The following SGIP1 variants were observed in gnomAD, a reference collection of about 807,000 sequenced individuals.
SGIP1 encodes SH3-containing GRB2-like protein 3-interacting protein 1.
Under a neutral mutation model 107.5 loss-of-function variants are expected in SGIP1, and 38 were observed. The observed-to-expected ratio is 0.35, with a 90% confidence interval of 0.27 to 0.46. SGIP1 has a LOEUF of 0.46. Among genes scored for constraint, SGIP1 ranks in the 20% least tolerant of loss-of-function variants. The pLI is 1.00. For synonymous variants in SGIP1, 365 were observed against 366.1 expected, an observed-to-expected ratio of 1.00 and a Z score of 0.03; for missense variants, 929 against 1,019.5, an observed-to-expected ratio of 0.91 and a Z score of 1.21.
intron 12 of SGIP1, 76 bp downstream of exon 12, chr1:66,673,442 T>A: frequency 7.7e-7 from 1 of 1,298,600 alleles, no homozygotes; most frequent in Non-Finnish European, 1.1e-6. Flanking sequence ...ATTAAATGTA[T>A]GTATTTTGAG....
At chr1:66,626,942 A>G (rs369120251) in intron 2 of SGIP1, among the ~76,000 whole-genome samples, 3 of 152,158 alleles carry the variant, frequency 2.0e-5, no homozygotes, top group Non-Finnish European at 2.9e-5. Flanking sequence ...GTATATTTTT[A>G]TCATGCGTAA....
At chr1:66,595,143 A>G (rs1053741469) in intron 1 of SGIP1, among the ~76,000 whole-genome samples, 7 of 152,320 alleles carry the variant, frequency 4.6e-5, no homozygotes, top group African/African-American at 1.7e-4. Context: ...TTTGCTAAAT[A>G]TCGTTTTCAT....
At position 66,741,957 on chromosome 1, in the gene SGIP1, G is replaced by A. The variant is rs537554344; in HGVS notation, c.2464+521G>A. ...TAATTTTTTGTATTTTAGTAGAGAC[G>A]GGGTTTCACCGTGTTAGCCAGGATG... is the stretch of plus-strand genomic sequence containing the variant. On this transcript the variant is annotated intron_variant, in intron 24 of 24. Transcript: ENST00000371037. 4.6e-5 allele frequency among the ~76,000 whole-genome samples: 7 copies of A among 152,026 alleles called. No homozygotes were observed. The East Asian group carries it at 7.7e-4, about 17-fold the overall frequency.
At chr1:66,634,001 G>A (rs1213436398) in intron 3 of SGIP1, 3 of 1,321,382 alleles carry the variant, frequency 2.3e-6, no homozygotes, top group Non-Finnish European at 2.1e-6. Flanking sequence ...CCTTCATGTG[G>A]TTCTTACCAT....
chr1:66,739,580 T>C lies in SGIP1; in HGVS notation c.2234+43T>C, dbSNP rs777470903. 20 of 1,592,666 alleles carry C rather than the reference T, an allele frequency of 1.3e-5. No homozygotes were observed. The South Asian group carries it at 1.6e-4, about 12-fold the overall frequency. On this transcript the variant is annotated intron_variant, in intron 22 of 24. Transcript: ENST00000371037. ...CTCTCCACCAAAGGGCTCCTCTGGG[T>C]CAAGAGGTCACAGACTCCTTAGCAC...
intron 1 of SGIP1, among the ~76,000 whole-genome samples, chr1:66,547,553 A>G (rs1557843863): frequency 6.6e-6 from 1 of 152,166 alleles, no homozygotes; most frequent in Non-Finnish European, 1.5e-5. Context: ...AGTTGGCACA[A>G]TGAAGAACAG....
At chr1:66,695,198 C>T in intron 17 of SGIP1, 3 of 783,114 alleles carry the variant, frequency 3.8e-6, no homozygotes, top group Non-Finnish European at 5.8e-6. Flanking sequence ...CGACCACCAA[C>T]ACATTCCCAT....
intron 7 of SGIP1, among the ~76,000 whole-genome samples, chr1:66,657,059 C>T (rs2079946103): frequency 6.6e-6 from 1 of 151,894 alleles, no homozygotes; most frequent in Admixed American, 6.6e-5. Flanking sequence ...ACCTATAATC[C>T]CAGCTACTCA....
rs2086982564 is a variant in SGIP1 at position 66,682,501 on chromosome 1, T to C, written c.1315+132T>C. 3 of 1,110,500 alleles carry C rather than the reference T, an allele frequency of 2.7e-6. No individual in the cohort carries two copies. The Admixed American group carries it at 6.9e-5, about 26-fold the overall frequency. 68.8% of individuals were successfully genotyped at this position (1,110,500 alleles called of 1,614,324 possible). A position where few individuals can be genotyped will look rare whatever the true frequency, so the allele number is the denominator to read the frequency against. ...CCTCACTCCTCTAGTCTGGGTGTCC[T>C]GTGGCCCCACAGCATGTCCTAGTCC... On this transcript the variant is annotated intron_variant, in intron 15 of 24. Coordinates refer to ENST00000371037, the MANE Select transcript of SGIP1 (RefSeq NM_032291.4).
chr1:66,740,719 G>A lies in SGIP1; in HGVS notation c.2296G>A (p.Gly766Arg). 6.3e-7 allele frequency: 1 copy of A among 1,598,798 alleles called. No homozygotes were observed. Among genetic ancestry groups the A allele is most frequent in the South Asian group, 1.1e-5 (1 of 90,044 alleles). ...IPDISQKSEN[G>R]GVGSLLARFQ... is the part of the protein sequence containing the mutation. ...TGATATCTCTCAGAAGTCAGAAAAT[G>A]GAGGTAATGGAATCACAAGTTTATT... Residue 766 changes from glycine to arginine, a missense_variant, in exon 23 of 25, where the codon GGA (glycine) becomes AGA (arginine). By Grantham distance (125) the Gly-to-Arg change is moderately radical (BLOSUM62 -2). This residue lies in a region of SGIP1 where 341 missense variants were observed against 430.9 expected (regional missense o/e 0.79). Coordinates refer to ENST00000371037, the MANE Select transcript of SGIP1 (RefSeq NM_032291.4).
At chr1:66,671,167 C>T in intron 10 of SGIP1, 148 bp downstream of exon 10, 1 of 402,222 alleles carries the variant, frequency 2.5e-6, no homozygotes, top group Non-Finnish European at 4.5e-6. Context: ...GCAAAGAATT[C>T]TTGTAATGAT....
chr1:66,689,088 T>C, intron 15 of SGIP1, 60 bp from the exon 16 acceptor site: 2 of 1,560,162 alleles, frequency 1.3e-6, no homozygotes, highest in Non-Finnish European at 1.7e-6. Flanking sequence ...CATTATACTG[T>C]GATAACAGCG....
chr1:66,660,379 G>A (rs2081224525), intron 7 of SGIP1, 134 bp from the exon 8 acceptor site: 3 of 775,672 alleles, frequency 3.9e-6, no homozygotes, highest in Middle Eastern at 2.3e-4. Context: ...CCCACAGGAA[G>A]CATTTATAAA....
At chr1:66,720,149 A>G (rs182531613) in intron 19 of SGIP1, among the ~76,000 whole-genome samples, 82 of 152,282 alleles carry the variant, frequency 5.4e-4, no homozygotes, top group African/African-American at 1.9e-3. Context: ...CTGAAATTAT[A>G]TTGTGTATTT....
At chr1:66,577,383 C>T (rs1197393103) in intron 1 of SGIP1, among the ~76,000 whole-genome samples, 1 of 152,106 alleles carries the variant, frequency 6.6e-6, no homozygotes, top group Non-Finnish European at 1.5e-5. Flanking sequence ...TGACCCTGAA[C>T]AATTTCTTTT....
intron 7 of SGIP1, among the ~76,000 whole-genome samples, chr1:66,645,497 G>A (rs7538967): frequency 0.14 from 20,760 of 152,040 alleles, 1,462 homozygotes; most frequent in African/African-American, 0.15. Context: ...AAACTAGATG[G>A]AGACACCCAG....
chr1:66,615,386 G>A (rs2069022560), intron 1 of SGIP1, among the ~76,000 whole-genome samples: 1 of 152,146 alleles, frequency 6.6e-6, no homozygotes, highest in Admixed American at 6.6e-5. Context: ...GCCTGCCTCA[G>A]CCTCCCAAAG....
intron 1 of SGIP1, among the ~76,000 whole-genome samples, chr1:66,580,456 G>A (rs2061666180): frequency 1.3e-5 from 2 of 152,042 alleles, no homozygotes; most frequent in African/African-American, 2.4e-5. Flanking sequence ...CTAAAATAGC[G>A]ATCACTACCT....
At chr1:66,622,078 A>C (rs1351027146) in intron 1 of SGIP1, among the ~76,000 whole-genome samples, 1 of 152,196 alleles carries the variant, frequency 6.6e-6, no homozygotes, top group Non-Finnish European at 1.5e-5. Flanking sequence ...ATTTATCTGC[A>C]TACATATGAT....
Sources: gnomAD v4.1 joint callset for allele counts (sites outside exome capture counted in the v4.1 genomes callset) on GRCh38, gnomAD v4.1.1 for gene constraint, gnomAD v4.1.1 regional missense constraint, MANE v1.5 for transcripts, NCBI Gene and HGNC (gene_info 2026-07-23, HGNC 2026-07-21) for gene names.